Variants in ANAPC4 observed in about 807,000 individuals in gnomAD.
ANAPC4 encodes anaphase promoting complex subunit 4, also known as anaphase-promoting complex subunit 4.
In ANAPC4, 63 loss-of-function variants were observed where a neutral mutation model predicts 119.8. The observed-to-expected ratio is 0.53, with a 90% CI of 0.43 to 0.65. The LOEUF is 0.65. Among genes scored for constraint, ANAPC4 ranks in the 30% least tolerant of loss-of-function variants. The probability of loss-of-function intolerance (pLI) is 0.00; values close to 1 mark genes in which losing one functional copy is unlikely to be tolerated. For synonymous variants in ANAPC4, 283 were observed against 318.6 expected, an observed-to-expected ratio of 0.89 and a Z score of 1.19; for missense variants, 716 against 945.1, an observed-to-expected ratio of 0.76 and a Z score of 3.18.
In ANAPC4 at chr4:25,414,557, C is replaced by G. The variant is rs1487919542; in HGVS notation, c.1725-42C>G. 8 of 1,560,384 alleles carry G rather than the reference C, an allele frequency of 5.1e-6. No individual in the cohort carries two copies. The Admixed American group carries it at 1.2e-4, about 23-fold the overall frequency. ...AGTGAACAATACAATTTTGTTTTAT[C>G]CATCAATAGTTAAAAAATATTATGA... On this transcript the variant is annotated intron_variant, in intron 24 of 28. Transcript: ENST00000315368.
intron 22 of ANAPC4, chr4:25,414,049 T>A (rs1723724264): frequency 2.2e-6 from 1 of 463,674 alleles, no homozygotes; most frequent in African/African-American, 2.0e-5. Flanking sequence ...GATGTGTCTC[T>A]GCTTACTACT....
At chr4:25,383,021 C>T (rs561644214) in intron 3 of ANAPC4, among the ~76,000 whole-genome samples, 8 of 152,200 alleles carry the variant, frequency 5.3e-5, no homozygotes, top group African/African-American at 7.2e-5. Flanking sequence ...AAGTGTGCTA[C>T]GTGAGAAAGT....
intron 4 of ANAPC4, among the ~76,000 whole-genome samples, chr4:25,387,709 C>T (rs1013495289): frequency 6.6e-6 from 1 of 152,054 alleles, no homozygotes; most frequent in African/African-American, 2.4e-5. Flanking sequence ...TCATTTATTT[C>T]CAACCTTATT....
intron 12 of ANAPC4, 77 bp from the exon 13 acceptor site, chr4:25,394,594 G>A (rs1010824600): frequency 1.1e-4 from 162 of 1,453,526 alleles, no homozygotes; most frequent in Middle Eastern, 4.6e-4. Flanking sequence ...TTTGTGCTTC[G>A]AAATTTAAAA....
chr4:25,392,472 G>T, intron 10 of ANAPC4, 51 bp downstream of exon 10: 6 of 1,472,482 alleles, frequency 4.1e-6, no homozygotes, highest in Non-Finnish European at 5.6e-6. Context: ...GGCTTCTAAA[G>T]TTCTGTAAAT....
Position 25,394,808 on chromosome 4 carries a change from ATATTTTCCTTTTTTAAT to A in ANAPC4, c.985-18_985-2del. The A allele has an allele frequency of 6.2e-7, 1 of 1,607,170 alleles. No homozygotes were observed. Among genetic ancestry groups the A allele is most frequent in the Non-Finnish European group, 8.5e-7 (1 of 1,176,658 alleles). ...ATAATATCCTGATTGTATGCTAAATATATTTTCCTTTTTTAATTAGGGCTTGAAAAAGCTTGGCCAGT... is the reference window on the plus strand; with the variant it reads ...ATAATATCCTGATTGTATGCTAAATATAGGGCTTGAAAAAGCTTGGCCAGT... On this transcript the variant is annotated splice_region_variant and splice_polypyrimidine_tract_variant and intron_variant, in intron 13 of 28. Transcript: ENST00000315368.
chr4:25,400,386 G>T (rs529875094), intron 16 of ANAPC4, among the ~76,000 whole-genome samples: 1 of 152,232 alleles, frequency 6.6e-6, no homozygotes, highest in Admixed American at 6.5e-5. Flanking sequence ...GGTCACAGAG[G>T]CCAGTGTATG....
At chr4:25,415,619 T>C in intron 26 of ANAPC4, 79 bp downstream of exon 26, 2 of 1,312,482 alleles carry the variant, frequency 1.5e-6, no homozygotes, top group South Asian at 1.3e-5. Context: ...TCAGACTCAG[T>C]TACGGTGGTA....
In ANAPC4 at chr4:25,396,671, G is replaced by C. The variant is rs539027600; in HGVS notation, c.1069G>C (p.Glu357Gln). 4.4e-6 allele frequency: 7 copies of C among 1,605,606 alleles called. No homozygotes were observed. The South Asian group carries it at 6.7e-5, about 15-fold the overall frequency. Residue 357 changes from glutamate (E) to glutamine (Q), a missense_variant, in exon 15 of 29, where the codon GAG becomes CAG. Coordinates refer to ENST00000315368, the MANE Select transcript of ANAPC4 (RefSeq NM_013367.3). Reference protein sequence around the residue: ...LVISHLQSGSESLLYHLSELK... With the variant: ...LVISHLQSGSQSLLYHLSELK... ...TCTGCTCTGTTTGGATAGTGGCTCG[G>C]AGTCTTTATTATACCATTTGAGTGA...
intron 16 of ANAPC4, among the ~76,000 whole-genome samples, chr4:25,399,806 T>C (rs1722858901): frequency 6.6e-6 from 1 of 152,052 alleles, no homozygotes; most frequent in Non-Finnish European, 1.5e-5. Flanking sequence ...TGGGACTGGA[T>C]GAGGTAATGA....
Position 25,391,000 on chromosome 4 carries a change from A to G in ANAPC4, c.690A>G (p.Glu230=). 2 of 1,611,502 alleles carry G rather than the reference A, an allele frequency of 1.2e-6. No individual in the cohort carries two copies. Among genetic ancestry groups the G allele is most frequent in the Non-Finnish European group, 1.7e-6 (2 of 1,177,838 alleles). ...VTEVSTNGAS[E]VSYFQLETNL... The stretch of plus-strand genomic sequence containing the variant: ...AAGTCTCTACCAATGGTGCTTCAGA[A>G]GTTTCATACTTTCAGGTGAGTATTG... Residue 230 remains glutamate, a synonymous_variant, in exon 9 of 29, where the codon GAA becomes GAG. Transcript: ENST00000315368.
At chr4:25,400,618 C>T (rs111601612) in intron 16 of ANAPC4, among the ~76,000 whole-genome samples, 30 of 152,254 alleles carry the variant, frequency 2.0e-4, no homozygotes, top group African/African-American at 5.3e-4. Flanking sequence ...GGCTGCAGGT[C>T]TGCTGCAGGA....
intron 3 of ANAPC4, 60 bp downstream of exon 3, chr4:25,380,539 C>A: frequency 1.6e-6 from 2 of 1,246,178 alleles, no homozygotes; most frequent in Non-Finnish European, 1.1e-6. Flanking sequence ...TTCTGTAAAG[C>A]CCATTTTCAG....
At position 25,380,490 on chromosome 4, in the gene ANAPC4, T is replaced by A. The variant is rs1330181218; in HGVS notation, c.235+11T>A. Reference sequence around the variant, plus strand: ...GACCAGATGGCAAACGTAATGATAATATTACAAAAAAAATATGTTTTTATT... The same window carrying A: ...GACCAGATGGCAAACGTAATGATAAAATTACAAAAAAAATATGTTTTTATT... On this transcript the variant is annotated intron_variant, in intron 3 of 28. Transcript: ENST00000315368. The A allele has an allele frequency of 6.4e-7, 1 of 1,571,936 alleles. No individual in the cohort carries two copies. The highest frequency in any genetic ancestry group is 1.8e-5 in the Admixed American group (1 of 55,898).
At chr4:25,380,659 C>G (rs1341303009) in intron 3 of ANAPC4, 180 bp downstream of exon 3, 3 of 423,174 alleles carry the variant, frequency 7.1e-6, no homozygotes, top group African/African-American at 2.0e-5. Flanking sequence ...ATTCTGCTAT[C>G]TTGTTTCTTG....
rs770551906 is a variant in ANAPC4 at position 25,413,926 on chromosome 4, C to T, written c.1623+184C>T. ...CTAATACTCCAACTTAAGTTTCTTA[C>T]ACACGTGTGTGTGTGTGTGTGTGTG... On this transcript the variant is annotated intron_variant, in intron 22 of 28. Coordinates refer to ENST00000315368, the MANE Select transcript of ANAPC4 (RefSeq NM_013367.3). 18 of 557,718 alleles carry T rather than the reference C, an allele frequency of 3.2e-5. 1 individual carries two copies. Among genetic ancestry groups the T allele is most frequent in the Admixed American group, 3.1e-4 (9 of 29,250 alleles). 34.5% of individuals were successfully genotyped at this position (557,718 alleles called of 1,614,324 possible).
At chr4:25,412,027 C>G (rs1166226622) in intron 21 of ANAPC4, among the ~76,000 whole-genome samples, 1 of 152,154 alleles carries the variant, frequency 6.6e-6, no homozygotes, top group Non-Finnish European at 1.5e-5. Context: ...TGTTGTCTGA[C>G]TTGGCTATAA....
rs1341692886 is a variant in ANAPC4 at position 25,405,567 on chromosome 4, T to C, written c.1271-6T>C. 1 of 1,612,900 alleles carries C rather than the reference T, an allele frequency of 6.2e-7. No individual in the cohort carries two copies. Among genetic ancestry groups the C allele is most frequent in the East Asian group, 2.2e-5 (1 of 44,844 alleles). On this transcript the variant is annotated splice_region_variant and splice_polypyrimidine_tract_variant and intron_variant, in intron 17 of 28. Transcript: ENST00000315368. The surrounding 1 kb of genome is among the most constrained non-coding windows in gnomAD (Gnocchi z 4.6). ...TAAAGATAGTTTTTTAACTTTGTAT[T>C]TCCAGCAATGTTGAGAATGACAGAA...
intron 20 of ANAPC4, 123 bp from the exon 21 acceptor site, chr4:25,409,575 C>A (rs1014532567): frequency 1.1e-5 from 7 of 626,088 alleles, no homozygotes; most frequent in South Asian, 2.2e-5. Context: ...AAAAATAAAC[C>A]GATTTTAGGC....
Sources: allele counts gnomAD v4.1 joint callset (sites outside exome capture counted in the v4.1 genomes callset), GRCh38; gene constraint gnomAD v4.1.1; non-coding constraint Gnocchi (gnomAD v3.1); transcripts MANE v1.5; gene names NCBI Gene and HGNC (gene_info 2026-07-23, HGNC 2026-07-21).